Variants in PDS5A observed in about 807,000 individuals in gnomAD.
PDS5A encodes sister chromatid cohesion protein PDS5 homolog A.
PDS5A carries 42 observed loss-of-function variants against 167.1 expected under a neutral mutation model. The ratio of observed to expected loss-of-function variants is 0.25; its 90% CI spans 0.20 to 0.33. The LOEUF is 0.33. Among genes scored for constraint, PDS5A ranks in the 10% least tolerant of loss-of-function variants. PDS5A has a pLI of 1.00. For synonymous variants in PDS5A, 553 were observed against 554.6 expected, an observed-to-expected ratio of 1.00 and a Z score of 0.04; for missense variants, 1,033 against 1,605.9, an observed-to-expected ratio of 0.64 and a Z score of 6.10.
intron 16 of PDS5A, among the ~76,000 whole-genome samples, chr4:39,890,902 C>T (rs1721902634): frequency 6.6e-6 from 1 of 152,024 alleles, no homozygotes; most frequent in African/African-American, 2.4e-5. Context: ...CAGGCGTGAG[C>T]CACCACACAC....
chr4:39,885,261 A>G (rs1328217537), intron 17 of PDS5A, among the ~76,000 whole-genome samples: 1 of 151,006 alleles, frequency 6.6e-6, no homozygotes, highest in African/African-American at 2.4e-5. Flanking sequence ...AAAAAAAAAA[A>G]AAAAGAAAGG....
At chr4:39,842,489 C>G (rs1411891447) in intron 30 of PDS5A, among the ~76,000 whole-genome samples, 1 of 152,058 alleles carries the variant, frequency 6.6e-6, no homozygotes, top group East Asian at 1.9e-4. Context: ...ATTTGAGGCC[C>G]CACTATTCTT....
intron 6 of PDS5A, among the ~76,000 whole-genome samples, chr4:39,920,601 C>A (rs1479393793): frequency 1.3e-5 from 2 of 152,172 alleles, no homozygotes; most frequent in Non-Finnish European, 2.9e-5. Flanking sequence ...GCAGACGTTG[C>A]AAATCGAACT....
chr4:39,972,833 T>G (rs1730683199), intron 2 of PDS5A, among the ~76,000 whole-genome samples: 1 of 152,140 alleles, frequency 6.6e-6, no homozygotes, highest in African/African-American at 2.4e-5. Flanking sequence ...TTTAAATTTT[T>G]GTACTTTGCT....
At chr4:39,974,450 T>G in intron 2 of PDS5A, 1 of 308,260 alleles carries the variant, frequency 3.2e-6, no homozygotes, top group South Asian at 2.9e-5. Flanking sequence ...TTATATTTCA[T>G]AATTTCTCAC....
intron 32 of PDS5A, among the ~76,000 whole-genome samples, chr4:39,828,614 C>CAT (rs1456156441): frequency 4.6e-5 from 7 of 152,116 alleles, no homozygotes; most frequent in African/African-American, 1.7e-4. Context: ...CTGTAGTTGG[C>CAT]ATATACTAGG....
At chr4:39,958,637 CAG>C (rs879598500) in intron 2 of PDS5A, among the ~76,000 whole-genome samples, 1 of 149,230 alleles carries the variant, frequency 6.7e-6, no homozygotes, top group Non-Finnish European at 1.5e-5. Context: ...TTCTTTGAGA[CAG>C]AGTCTCACTC....
chr4:39,920,749 T>C (rs1204878231), intron 6 of PDS5A, among the ~76,000 whole-genome samples: 1 of 152,228 alleles, frequency 6.6e-6, no homozygotes, highest in African/African-American at 2.4e-5. Flanking sequence ...CCCACGTATC[T>C]TAAACACATA....
At position 39,898,845 on chromosome 4, in the gene PDS5A, C is replaced by T. The variant is rs1560465136; in HGVS notation, c.1582-20G>A. ...CTCTGACTGAAATTTAAAACAGAAACAAAAGAACAACTAGTCATATGTGTT... is the reference window on the plus strand; with the variant it reads ...CTCTGACTGAAATTTAAAACAGAAATAAAAGAACAACTAGTCATATGTGTT... On this transcript the variant is annotated intron_variant, in intron 14 of 32. Transcript: ENST00000303538. The T allele has an allele frequency of 6.4e-7, 1 of 1,552,776 alleles. No homozygotes were observed. The highest frequency in any genetic ancestry group is 1.8e-5 in the Admixed American group (1 of 54,948).
chr4:39,890,823 G>A (rs749405424), intron 16 of PDS5A, among the ~76,000 whole-genome samples: 1 of 151,918 alleles, frequency 6.6e-6, no homozygotes, highest in African/African-American at 2.4e-5. Flanking sequence ...CACCATGTTG[G>A]CCAGGCTGGT....
chr4:39,871,423 G>C (rs1209444648), intron 21 of PDS5A, among the ~76,000 whole-genome samples: 2 of 152,152 alleles, frequency 1.3e-5, no homozygotes, highest in African/African-American at 4.8e-5. Context: ...TGTAAGGGTA[G>C]AAAATGAGAC....
chr4:39,951,218 T>C (rs1299879200), intron 2 of PDS5A, among the ~76,000 whole-genome samples: 1 of 152,156 alleles, frequency 6.6e-6, no homozygotes, highest in African/African-American at 2.4e-5. Flanking sequence ...AATGGATAGG[T>C]AATCTGAATT....
intron 2 of PDS5A, among the ~76,000 whole-genome samples, chr4:39,975,595 C>T (rs1731012900): frequency 6.6e-6 from 1 of 152,196 alleles, no homozygotes; most frequent in African/African-American, 2.4e-5. Context: ...TTCACCTAGA[C>T]TACTGTTTAC....
At chr4:39,885,965 A>T (rs1349403593) in intron 17 of PDS5A, among the ~76,000 whole-genome samples, 2 of 152,132 alleles carry the variant, frequency 1.3e-5, no homozygotes, top group Non-Finnish European at 2.9e-5. Flanking sequence ...AAAAAAAGAG[A>T]AAGAAAAAAA....
chr4:39,955,527 G>A lies in PDS5A; in HGVS notation c.138+20913C>T, dbSNP rs939791627. On this transcript the variant is annotated intron_variant, in intron 2 of 32. Coordinates refer to ENST00000303538, the MANE Select transcript of PDS5A (RefSeq NM_001100399.2). The stretch of plus-strand genomic sequence containing the variant: ...AGGTGGGAGAACTGCTTGAACCCGG[G>A]GGAGCGGAGGTTGCAGTGAGCTGAG... Among the ~76,000 whole-genome samples the A allele has an allele frequency of 3.7e-4, 57 of 152,056 alleles. 1 individual carries two copies. Among genetic ancestry groups the A allele is most frequent in the Non-Finnish European group, 1.2e-4 (8 of 68,014 alleles).
rs1415977654 is a variant in PDS5A, at chr4:39,824,492, T to C, written c.*993A>G. ...CCATCAGACAAAAGCAAAACACTTA[T>C]TTCCAAATAGCACAATGCTGAAAAT... On this transcript the variant is annotated 3_prime_UTR_variant, in exon 33 of 33. Transcript: ENST00000303538. 2.0e-5 allele frequency: 3 copies of C among 152,504 alleles called. No individual in the cohort carries two copies. Among genetic ancestry groups the C allele is most frequent in the African/African-American group, 4.8e-5 (2 of 41,436 alleles). The allele number at this position is 152,504 out of a possible 1,614,324, so 9.4% of individuals were successfully genotyped here. A position where few individuals can be genotyped will look rare whatever the true frequency, so the allele number is the denominator to read the frequency against.
chr4:39,947,435 G>C (rs909857685), intron 2 of PDS5A, among the ~76,000 whole-genome samples: 1 of 151,950 alleles, frequency 6.6e-6, no homozygotes, highest in Non-Finnish European at 1.5e-5. Context: ...GGGTGAGAGA[G>C]AGACTGTCTG....
intron 2 of PDS5A, among the ~76,000 whole-genome samples, chr4:39,960,258 G>A (rs977444475): frequency 2.0e-5 from 3 of 152,130 alleles, no homozygotes; most frequent in Admixed American, 1.3e-4. Flanking sequence ...GACGGAGTGA[G>A]ACTCTGTCTC....
intron 17 of PDS5A, among the ~76,000 whole-genome samples, chr4:39,888,853 G>A (rs939108100): frequency 1.3e-5 from 2 of 152,180 alleles, no homozygotes; most frequent in African/African-American, 4.8e-5. Flanking sequence ...GTGTTTTAGA[G>A]ATCGGTAGAG....
Sources: allele counts gnomAD v4.1 joint callset (sites outside exome capture counted in the v4.1 genomes callset), GRCh38; gene constraint gnomAD v4.1.1; transcripts MANE v1.5; gene names NCBI Gene and HGNC (gene_info 2026-07-23, HGNC 2026-07-21).